Variants in NOSIP observed in about 807,000 individuals in gnomAD.
The protein encoded by NOSIP is nitric oxide synthase interacting protein, also known as nitric oxide synthase-interacting protein.
A neutral mutation model predicts 36.4 loss-of-function variants in NOSIP; 25 were observed. That is an observed-to-expected ratio of 0.69 (90% CI 0.50 to 0.96). NOSIP has a LOEUF of 0.96. Ranked by LOEUF, NOSIP falls within the 40% of genes least tolerant of loss-of-function variation. The pLI is 0.00. For synonymous variants in NOSIP, 187 were observed against 179.2 expected (o/e 1.04, Z -0.35); for missense variants, 370 against 429.0 (o/e 0.86, Z 1.21).
At position 49,559,974 on chromosome 19, in the gene NOSIP, A is replaced by AGCAGTCGAAGTCCTTCACGGCATCCCGGC; in HGVS notation, c.107_135dup (p.Cys46AlafsTer5). On this transcript the variant is annotated stop_gained and frameshift_variant, in exon 3 of 9. Coordinates refer to ENST00000596358, the MANE Select transcript of NOSIP (RefSeq NM_001270960.2). LOFTEE classifies it high-confidence loss of function. Reference sequence around the variant, plus strand: ...TGGCAAGGCTGCAGGGAGAGACAACAGCAGTCGAAGTCCTTCACGGCATCC... The same window carrying AGCAGTCGAAGTCCTTCACGGCATCCCGGC: ...TGGCAAGGCTGCAGGGAGAGACAACAGCAGTCGAAGTCCTTCACGGCATCCCGGCGCAGTCGAAGTCCTTCACGGCATCC... 1 of 1,613,908 alleles carries AGCAGTCGAAGTCCTTCACGGCATCCCGGC rather than the reference A, an allele frequency of 6.2e-7. No homozygotes were observed. The highest frequency in any genetic ancestry group is 2.2e-5 in the East Asian group (1 of 44,880).
chr19:49,574,239 C>T (rs2080523072), intron 1 of NOSIP, among the ~76,000 whole-genome samples: 1 of 152,120 alleles, frequency 6.6e-6, no homozygotes, highest in South Asian at 2.1e-4. Flanking sequence ...ACAAACCAGC[C>T]TCAGGGGGGC....
intron 3 of NOSIP, 112 bp from the exon 4 acceptor site, chr19:49,559,090 T>A: frequency 1.2e-6 from 1 of 823,512 alleles, no homozygotes; most frequent in Non-Finnish European, 2.1e-6. Context: ...AGTTCAATTA[T>A]TTGCTAGAAT....
At chr19:49,559,514 A>G (rs1211553190) in intron 3 of NOSIP, 1 of 191,480 alleles carries the variant, frequency 5.2e-6, no homozygotes, top group Non-Finnish European at 1.1e-5. Context: ...CTGTCTCAAA[A>G]AAAAAAAAGA....
intron 1 of NOSIP, among the ~76,000 whole-genome samples, chr19:49,561,825 G>C (rs2080338750): frequency 6.6e-6 from 1 of 151,368 alleles, no homozygotes; most frequent in Non-Finnish European, 1.5e-5. Context: ...AGGGGTTGCA[G>C]TGAGCCGACA....
chr19:49,560,444 G>GAA lies in NOSIP; in HGVS notation c.70+177_70+178insTT. The GAA allele has an allele frequency of 1.6e-6, 1 of 624,956 alleles. No individual in the cohort carries two copies. The highest frequency in any genetic ancestry group is 1.8e-5 in the African/African-American group (1 of 55,362). The allele number at this position is 624,956 out of a possible 1,614,324, so 38.7% of individuals were successfully genotyped here. On this transcript the variant is annotated intron_variant, in intron 2 of 8. Transcript: ENST00000596358. The surrounding 1 kb of genome is among the most constrained non-coding windows in gnomAD (Gnocchi z 4.6). ...TCATGCGCAGAAGGCAGAGAACACA[G>GAA]TGCCGGGCCACATGGGGTCATGGGA...
chr19:49,562,944 G>T (rs1392978414), intron 1 of NOSIP, among the ~76,000 whole-genome samples: 1 of 152,080 alleles, frequency 6.6e-6, no homozygotes, highest in African/African-American at 2.4e-5. Flanking sequence ...TCTCTAAGTT[G>T]CCACCTAAAA....
At chr19:49,575,261 A>G (rs745664817) in intron 1 of NOSIP, among the ~76,000 whole-genome samples, 16 of 152,178 alleles carry the variant, frequency 1.1e-4, no homozygotes, top group Admixed American at 2.6e-4. Context: ...GGCCTCCCAC[A>G]GTGCTGGGAT....
intron 1 of NOSIP, among the ~76,000 whole-genome samples, chr19:49,575,502 T>C (rs768886022): frequency 1.3e-4 from 20 of 152,142 alleles, no homozygotes; most frequent in Non-Finnish European, 2.2e-4. Flanking sequence ...ACCCAGGCAG[T>C]ATGCAACATG....
In NOSIP at chr19:49,557,100, G is replaced by A. The variant is rs2080262336; in HGVS notation, c.408C>T (p.Gly136=). The A allele has an allele frequency of 6.2e-7, 1 of 1,611,528 alleles. No homozygotes were observed. The highest frequency in any genetic ancestry group is 1.3e-5 in the African/African-American group (1 of 74,896). ...CCCAACCTGAGTCACCTGGGCTGGT[G>A]CCCGAGAGGGCCTTGGCTGTGAAAG... ...LNPFTAKALS[G]TSPDDVQPGP... is the part of the protein sequence containing the mutation. Residue 136 remains glycine, a synonymous_variant, in exon 5 of 9, where the codon GGC becomes GGT. Coordinates refer to ENST00000596358, the MANE Select transcript of NOSIP (RefSeq NM_001270960.2).
chr19:49,559,746 G>C, intron 3 of NOSIP, 188 bp downstream of exon 3: 1 of 615,262 alleles, frequency 1.6e-6, no homozygotes, highest in South Asian at 1.8e-5. Flanking sequence ...CTTTCCATAT[G>C]TTCCACACTA....
intron 1 of NOSIP, among the ~76,000 whole-genome samples, chr19:49,563,686 G>T (rs1285208505): frequency 6.6e-6 from 1 of 151,150 alleles, no homozygotes; most frequent in East Asian, 1.9e-4. Flanking sequence ...GTAGAAACAG[G>T]GTTTTACCAT....
At chr19:49,568,132 TAAAGAA>T (rs1191268117) in intron 1 of NOSIP, among the ~76,000 whole-genome samples, 1 of 152,026 alleles carries the variant, frequency 6.6e-6, no homozygotes, top group African/African-American at 2.4e-5. Context: ...CGGTGATGCT[TAAAGAA>T]AAAGATAAGA....
rs770888757 is a variant in NOSIP at position 49,555,860 on chromosome 19, C to A, written c.835-38G>T. On this transcript the variant is annotated intron_variant, in intron 8 of 8. Transcript: ENST00000596358. The stretch of plus-strand genomic sequence containing the variant: ...GAGAGAAGGACGAGGTAGAGGCCGG[C>A]CCGGGGGTGACCAGTGGGGCTCCAG... 7 of 1,526,186 alleles carry A rather than the reference C, an allele frequency of 4.6e-6. No homozygotes were observed. The South Asian group carries it at 7.9e-5, about 17-fold the overall frequency. The allele number at this position is 1,526,186 out of a possible 1,614,324, so 94.5% of individuals were successfully genotyped here.
Position 49,556,860 on chromosome 19 carries a change from G to A in NOSIP, c.537+15C>T. On this transcript the variant is annotated intron_variant, in intron 6 of 8. Coordinates refer to ENST00000596358, the MANE Select transcript of NOSIP (RefSeq NM_001270960.2). ...GCCCTGGCACCGTGCGTGCCGGGGC[G>A]CTGTGGGGGCTCACCGGCTTCTCCA... is the stretch of plus-strand genomic sequence containing the variant. The A allele has an allele frequency of 1.2e-6, 2 of 1,608,488 alleles. No individual in the cohort carries two copies. The highest frequency in any genetic ancestry group is 1.7e-4 in the Middle Eastern group (1 of 6,040).
At chr19:49,572,065 A>G (rs1190053424) in intron 1 of NOSIP, among the ~76,000 whole-genome samples, 1 of 150,524 alleles carries the variant, frequency 6.6e-6, no homozygotes, top group African/African-American at 2.4e-5. Flanking sequence ...CTTTCAGCAC[A>G]TCTCAGTAAT....
At chr19:49,558,808 G>T in intron 4 of NOSIP, 89 bp downstream of exon 4, 1 of 1,043,338 alleles carries the variant, frequency 9.6e-7, no homozygotes, top group South Asian at 1.3e-5. Flanking sequence ...AGAGGGAACT[G>T]AGATCAGAGG....
At chr19:49,566,565 T>A (rs975677765) in intron 1 of NOSIP, 1 of 152,102 alleles carries the variant, frequency 6.6e-6, no homozygotes, top group Non-Finnish European at 1.5e-5. Context: ...CCTCCCAAAG[T>A]GCTAGGATGA....
At chr19:49,557,034 C>A (rs368721012) in intron 5 of NOSIP, 41 bp from the exon 6 acceptor site, 5 of 1,589,154 alleles carry the variant, frequency 3.1e-6, no homozygotes, top group Non-Finnish European at 4.3e-6. Flanking sequence ...CCCCCTGGGC[C>A]CGCCCAGCCC....
chr19:49,556,507 G>C, intron 7 of NOSIP, 42 bp downstream of exon 7: 1 of 1,607,150 alleles, frequency 6.2e-7, no homozygotes, highest in African/African-American at 1.3e-5. Flanking sequence ...CCGCCCCGCA[G>C]GTTCCCGAGT....
Sources: gnomAD v4.1 joint callset for allele counts (sites outside exome capture counted in the v4.1 genomes callset) on GRCh38, gnomAD v4.1.1 for gene constraint, Gnocchi (gnomAD v3.1) non-coding constraint, MANE v1.5 for transcripts, NCBI Gene and HGNC (gene_info 2026-07-23, HGNC 2026-07-21) for gene names.